The following SLC8A1 variants were observed in gnomAD, a reference collection of about 807,000 sequenced individuals.
The protein encoded by SLC8A1 is sodium/calcium exchanger 1.
In SLC8A1, 18 loss-of-function variants were observed where a neutral mutation model predicts 68.3. The ratio of observed to expected loss-of-function variants is 0.26; its 90% confidence interval spans 0.18 to 0.39. The LOEUF (loss-of-function observed/expected upper bound fraction) is 0.39. Ranked by LOEUF, SLC8A1 falls within the 10% of genes least tolerant of loss-of-function variation. The pLI, the probability that SLC8A1 is intolerant of heterozygous loss-of-function variation, is 1.00. For missense variants in SLC8A1, 985 were observed against 1,156.7 expected (o/e 0.85, Z 2.15); for synonymous variants, 475 against 415.5 (o/e 1.14, Z -1.74).
intron 1 of SLC8A1, among the ~76,000 whole-genome samples, chr2:40,486,237 T>C (rs944401014): frequency 2.0e-5 from 3 of 152,242 alleles, no homozygotes; most frequent in African/African-American, 7.2e-5. Flanking sequence ...AGCTATGCTG[T>C]ACCTCTTCCC....
intron 2 of SLC8A1, among the ~76,000 whole-genome samples, chr2:40,389,503 C>T (rs529137585): frequency 6.6e-6 from 1 of 152,156 alleles, no homozygotes; most frequent in Admixed American, 6.6e-5. Flanking sequence ...AATTGCTACA[C>T]TGAGACAAAA....
intron 1 of SLC8A1, among the ~76,000 whole-genome samples, chr2:40,486,501 T>G (rs79434120): frequency 0.014 from 2,135 of 152,288 alleles, 40 homozygotes; most frequent in African/African-American, 0.049. Context: ...ATAAGATATA[T>G]TCCTCTTTCT....
chr2:40,230,445 C>G (rs551765163), intron 2 of SLC8A1, among the ~76,000 whole-genome samples: 1 of 152,204 alleles, frequency 6.6e-6, no homozygotes, highest in South Asian at 2.1e-4. Flanking sequence ...CACATTGCAC[C>G]TTGGCTCAAG....
intron 2 of SLC8A1, among the ~76,000 whole-genome samples, chr2:40,393,531 T>G (rs1685965432): frequency 6.6e-6 from 1 of 152,192 alleles, no homozygotes; most frequent in South Asian, 2.1e-4. Flanking sequence ...CTGTAAAAGA[T>G]TATTACATTC....
chr2:40,200,242 ATATAT>A (rs1558723197), intron 2 of SLC8A1, among the ~76,000 whole-genome samples: 1 of 13,248 alleles, frequency 7.5e-5, no homozygotes, highest in African/African-American at 2.0e-4. Flanking sequence ...ATATATAAAT[ATATAT>A]ATATATATAT....
chr2:40,332,782 G>A (rs1430682327), intron 2 of SLC8A1, among the ~76,000 whole-genome samples: 1 of 152,238 alleles, frequency 6.6e-6, no homozygotes, highest in Non-Finnish European at 1.5e-5. Flanking sequence ...TAATATTTCC[G>A]TGAATAAAGT....
At chr2:40,343,355 A>T (rs1422979035) in intron 2 of SLC8A1, among the ~76,000 whole-genome samples, 2 of 152,188 alleles carry the variant, frequency 1.3e-5, no homozygotes, top group African/African-American at 2.4e-5. Context: ...AGTTGTCAGT[A>T]ACTCTTTGGG....
chr2:40,274,510 G>C (rs2066457646), intron 2 of SLC8A1, among the ~76,000 whole-genome samples: 1 of 152,052 alleles, frequency 6.6e-6, no homozygotes, highest in Non-Finnish European at 1.5e-5. Flanking sequence ...ATGGGGATCT[G>C]CCTGTGTACA....
At chr2:40,287,436 G>A (rs956370981) in intron 2 of SLC8A1, among the ~76,000 whole-genome samples, 1 of 152,012 alleles carries the variant, frequency 6.6e-6, no homozygotes, top group African/African-American at 2.4e-5. Context: ...TAATGACCCT[G>A]AATCATAGAC....
At chr2:40,328,616 G>C (rs2076093274) in intron 2 of SLC8A1, among the ~76,000 whole-genome samples, 1 of 152,136 alleles carries the variant, frequency 6.6e-6, no homozygotes, top group Non-Finnish European at 1.5e-5. Context: ...TCTTACAGCA[G>C]TTTAAACTAG....
chr2:40,209,190 A>C (rs1156691040), intron 2 of SLC8A1: 2 of 152,170 alleles, frequency 1.3e-5, no homozygotes, highest in East Asian at 3.9e-4. Context: ...GAGAGATGGC[A>C]GTTGAAATCT....
At position 40,383,939 on chromosome 2, in the gene SLC8A1, A is replaced by T. The variant is rs527883442; in HGVS notation, c.1808+44534T>A. On this transcript the variant is annotated intron_variant, in intron 2 of 7. Transcript: ENST00000406785. ...CAGATCTGGTAACAGGGCATCTGCG[A>T]ACTTTACAATTCACTATAAAGTAAT... 9.2e-5 allele frequency among the ~76,000 whole-genome samples: 14 copies of T among 152,254 alleles called. No homozygotes were observed. The South Asian group carries it at 2.7e-3, about 29-fold the overall frequency.
intron 1 of SLC8A1, among the ~76,000 whole-genome samples, chr2:40,473,125 G>A (rs557987512): frequency 6.6e-6 from 1 of 152,132 alleles, no homozygotes; most frequent in East Asian, 1.9e-4. Context: ...GTGTTCCCTG[G>A]CTGGGGTATG....
At chr2:40,373,612 G>C (rs1003232644) in intron 2 of SLC8A1, among the ~76,000 whole-genome samples, 1 of 152,022 alleles carries the variant, frequency 6.6e-6, no homozygotes, top group African/African-American at 2.4e-5. Context: ...CAGTGGAATA[G>C]TACTAATTTA....
intron 3 of SLC8A1, among the ~76,000 whole-genome samples, chr2:40,176,545 T>C (rs1248763534): frequency 6.6e-6 from 1 of 152,156 alleles, no homozygotes; most frequent in Admixed American, 6.5e-5. Flanking sequence ...AAAATAGGCC[T>C]TGAGTGCTCC....
chr2:40,137,251 A>G (rs1456039221), intron 7 of SLC8A1, among the ~76,000 whole-genome samples: 3 of 152,238 alleles, frequency 2.0e-5, no homozygotes, highest in Non-Finnish European at 4.4e-5. Context: ...AGCCAGCTTG[A>G]GGGTATATTG....
chr2:40,394,495 C>T (rs1005230275), intron 2 of SLC8A1, among the ~76,000 whole-genome samples: 3 of 151,560 alleles, frequency 2.0e-5, no homozygotes, highest in East Asian at 1.9e-4. Flanking sequence ...TGAAACAGAG[C>T]GGTAGCAAGC....
chr2:40,462,578 G>T (rs1030556286), intron 1 of SLC8A1, among the ~76,000 whole-genome samples: 14 of 151,806 alleles, frequency 9.2e-5, no homozygotes, highest in Admixed American at 9.2e-4. Flanking sequence ...GGAAGCCTGG[G>T]TGGGAGGATC....
At chr2:40,461,237 G>T (rs1703322187) in intron 1 of SLC8A1, among the ~76,000 whole-genome samples, 1 of 152,138 alleles carries the variant, frequency 6.6e-6, no homozygotes, top group African/African-American at 2.4e-5. Flanking sequence ...GGTGCGGATG[G>T]AGGGTGCTAG....
Sources: allele counts gnomAD v4.1 joint callset (sites outside exome capture counted in the v4.1 genomes callset), GRCh38; gene constraint gnomAD v4.1.1; transcripts MANE v1.5; gene names NCBI Gene and HGNC (gene_info 2026-07-23, HGNC 2026-07-21).